The following ARAP2 variants were observed in gnomAD, a reference collection of about 807,000 sequenced individuals.
The protein encoded by ARAP2 is ArfGAP with RhoGAP domain, ankyrin repeat and PH domain 2, also known as arf-GAP with Rho-GAP domain, ANK repeat and PH domain-containing protein 2.
ARAP2 carries 148 observed loss-of-function variants against 194.5 expected under a neutral mutation model. The observed-to-expected ratio is 0.76, with a 90% CI of 0.67 to 0.87. The LOEUF (loss-of-function observed/expected upper bound fraction) is 0.87. Ranked by LOEUF, ARAP2 falls within the 40% of genes least tolerant of loss-of-function variation. The pLI is 0.00. For missense variants in ARAP2, 2,128 were observed against 1,989.7 expected (o/e 1.07, Z -1.32); for synonymous variants, 695 against 683.5 (o/e 1.02, Z -0.26).
intron 9 of ARAP2, among the ~76,000 whole-genome samples, chr4:36,175,624 T>C (rs1011132617): frequency 7.2e-5 from 11 of 152,064 alleles, no homozygotes; most frequent in Non-Finnish European, 1.0e-4. Context: ...ACACAAACAA[T>C]AGTATACATT....
intron 15 of ARAP2, among the ~76,000 whole-genome samples, chr4:36,151,972 GT>G (rs1192730460): frequency 6.6e-6 from 1 of 152,054 alleles, no homozygotes; most frequent in Admixed American, 6.6e-5. Flanking sequence ...TAATTTAAAA[GT>G]TTAAGAATAT....
rs1440090914 is a variant in ARAP2, at chr4:36,160,550, T to C, written c.2351A>G (p.Glu784Gly). The part of the protein sequence containing the change: ...DEELHMDSPV[E>G]KRKNFITQKY... ...CTGAGTAATAAAGTTTTTTCTCTTT[T>C]CTACTGGTGAGTCCATATGTAATTC... is the stretch of plus-strand genomic sequence containing the variant. The change falls in exon 13 of 33, where the codon GAA becomes GGA. Residue 784 changes from glutamate (E) to glycine (G), a missense_variant. Coordinates refer to ENST00000303965, the MANE Select transcript of ARAP2 (RefSeq NM_015230.4). 3 of 1,574,386 alleles carry C rather than the reference T, an allele frequency of 1.9e-6. No homozygotes were observed. In the African/African-American group the frequency reaches 4.2e-5, roughly 22 times the overall value.
At chr4:36,159,821 A>T (rs527267252) in intron 13 of ARAP2, 5 of 179,236 alleles carry the variant, frequency 2.8e-5, no homozygotes, top group Non-Finnish European at 5.7e-5. Flanking sequence ...ACTGATGCGC[A>T]GAGAATCAAA....
At chr4:36,081,959 T>C (rs1258977606) in intron 30 of ARAP2, among the ~76,000 whole-genome samples, 1 of 152,154 alleles carries the variant, frequency 6.6e-6, no homozygotes, top group Non-Finnish European at 1.5e-5. Flanking sequence ...TATTCTGTTT[T>C]AAAACTATCA....
intron 25 of ARAP2, among the ~76,000 whole-genome samples, chr4:36,116,323 C>T (rs1560463370): frequency 6.6e-6 from 1 of 151,786 alleles, no homozygotes; most frequent in Non-Finnish European, 1.5e-5. Flanking sequence ...AGATAAGTAG[C>T]TAAAGCCAAA....
intron 2 of ARAP2, among the ~76,000 whole-genome samples, chr4:36,218,631 A>C (rs942879956): frequency 1.3e-5 from 2 of 152,178 alleles, no homozygotes; most frequent in Non-Finnish European, 2.9e-5. Flanking sequence ...AATAGGCCAA[A>C]CAATAAAGCT....
chr4:36,129,179 A>T (rs890013958), intron 20 of ARAP2, among the ~76,000 whole-genome samples: 1 of 151,876 alleles, frequency 6.6e-6, no homozygotes, highest in Admixed American at 6.6e-5. Flanking sequence ...CCTTATTTCC[A>T]ATGGAGAGTT....
intron 15 of ARAP2, among the ~76,000 whole-genome samples, chr4:36,158,439 G>A (rs1351180899): frequency 1.3e-5 from 2 of 152,160 alleles, no homozygotes; most frequent in East Asian, 3.8e-4. Context: ...CCTAAGGAAA[G>A]GGGCTGAGTT....
At position 36,073,874 on chromosome 4, in the gene ARAP2, T is replaced by C. The variant is rs543498403; in HGVS notation, c.4609-51A>G. On this transcript the variant is annotated intron_variant, in intron 31 of 32. Coordinates refer to ENST00000303965, the MANE Select transcript of ARAP2 (RefSeq NM_015230.4). ...TGGTGTGTGATTTTATTATGTGGTATACTATGTCATAAAGCCACTTGGTTT... is the reference window on the plus strand; with the variant it reads ...TGGTGTGTGATTTTATTATGTGGTACACTATGTCATAAAGCCACTTGGTTT... 1.8e-5 allele frequency: 28 copies of C among 1,591,652 alleles called. No homozygotes were observed. In the Admixed American group the frequency reaches 3.1e-4, roughly 18 times the overall value.
At chr4:36,190,478 A>T (rs1355563990) in intron 7 of ARAP2, among the ~76,000 whole-genome samples, 1 of 152,200 alleles carries the variant, frequency 6.6e-6, no homozygotes, top group Non-Finnish European at 1.5e-5. Context: ...CAATTATAAC[A>T]ATCTCTGATG....
At chr4:36,011,244 A>G (rs35589402) in intron 9 of ARAP2, among the ~76,000 whole-genome samples, 45,375 of 151,838 alleles carry the variant, frequency 0.3, 7,376 homozygotes, top group East Asian at 0.44. Context: ...TCTACTGTAA[A>G]ACCTCAACCA....
At chr4:36,031,214 T>A (rs1457789760) in intron 5 of ARAP2, among the ~76,000 whole-genome samples, 3 of 152,354 alleles carry the variant, frequency 2.0e-5, no homozygotes, top group African/African-American at 7.2e-5. Flanking sequence ...AATAATTTAT[T>A]CTCGTTTCAT....
intron 28 of ARAP2, among the ~76,000 whole-genome samples, chr4:36,084,184 C>A (rs1730280324): frequency 6.6e-6 from 1 of 152,040 alleles, no homozygotes; most frequent in African/African-American, 2.4e-5. Flanking sequence ...TATTGTGGGA[C>A]CTCACCTTGT....
At chr4:36,191,124 A>G (rs1189971207) in intron 7 of ARAP2, among the ~76,000 whole-genome samples, 2 of 152,176 alleles carry the variant, frequency 1.3e-5, no homozygotes, top group Non-Finnish European at 2.9e-5. Flanking sequence ...AAAAACATTT[A>G]CAGTTTATCC....
intron 6 of ARAP2, among the ~76,000 whole-genome samples, chr4:36,201,275 T>C (rs1467605641): frequency 6.6e-6 from 1 of 152,152 alleles, no homozygotes; most frequent in African/African-American, 2.4e-5. Flanking sequence ...TATCTGGGAG[T>C]GTCTTCCCAA....
intron 13 of ARAP2, 60 bp downstream of exon 13, chr4:36,160,399 C>T (rs1291561422): frequency 7.3e-7 from 1 of 1,374,282 alleles, no homozygotes; most frequent in South Asian, 1.8e-5. Context: ...TCTCAAGAAT[C>T]TTGGCACATC....
chr4:36,185,400 T>C (rs1456341791), intron 8 of ARAP2, among the ~76,000 whole-genome samples: 1 of 152,100 alleles, frequency 6.6e-6, no homozygotes, highest in African/African-American at 2.4e-5. Flanking sequence ...AGGGAGGGTG[T>C]TTCTGGTGAC....
intron 2 of ARAP2, among the ~76,000 whole-genome samples, chr4:36,216,082 CAAAA>C (rs112912494): frequency 1.0e-5 from 1 of 99,416 alleles, no homozygotes; most frequent in African/African-American, 3.6e-5. Context: ...CCCATCTCTA[CAAAA>C]AAAAAAAAAA....
intron 5 of ARAP2, among the ~76,000 whole-genome samples, chr4:36,026,677 G>A (rs1355998042): frequency 1.3e-5 from 2 of 152,192 alleles, no homozygotes; most frequent in Admixed American, 6.6e-5. Context: ...ACAAGGGCTG[G>A]CAATCAAGAA....
Sources: allele counts gnomAD v4.1 joint callset (sites outside exome capture counted in the v4.1 genomes callset), GRCh38; gene constraint gnomAD v4.1.1; transcripts MANE v1.5; gene names NCBI Gene and HGNC (gene_info 2026-07-23, HGNC 2026-07-21).